Variants in ATP8A1 observed in about 807,000 individuals in gnomAD.
ATP8A1 encodes the protein phospholipid-transporting ATPase IA.
A neutral mutation model predicts 177.7 loss-of-function variants in ATP8A1; 90 were observed. The ratio of observed to expected loss-of-function variants is 0.51; its 90% CI spans 0.43 to 0.60. The LOEUF (loss-of-function observed/expected upper bound fraction) is 0.60, where lower values mean the gene tolerates loss of function less well. ATP8A1 is among the 20% of genes least tolerant of loss of function. The probability of loss-of-function intolerance (pLI) is 0.00; values close to 1 mark genes in which losing one functional copy is unlikely to be tolerated. For synonymous variants in ATP8A1, 493 were observed against 485.9 expected, an observed-to-expected ratio of 1.01 and a Z score of -0.19; for missense variants, 1,072 against 1,392.8, an observed-to-expected ratio of 0.77 and a Z score of 3.67.
At chr4:42,513,410 A>G (rs1354615212) in intron 22 of ATP8A1, among the ~76,000 whole-genome samples, 2 of 152,180 alleles carry the variant, frequency 1.3e-5, no homozygotes, top group Non-Finnish European at 2.9e-5. Flanking sequence ...TAAACACAGG[A>G]ATGAGGTATC....
rs114801500 is a variant in ATP8A1, at chr4:42,574,743, A to C, written c.1207-36T>G. On this transcript the variant is annotated intron_variant, in intron 13 of 36. Transcript: ENST00000381668. ...TTAAAATTTCTCATTAATATTTTGA[A>C]AGTCTTTATGCCACTCTTTTACAGA... 2,549 of 1,449,468 alleles carry C rather than the reference A, an allele frequency of 1.8e-3. 27 individuals carry two copies. The African/African-American group carries it at 0.03, about 17-fold the overall frequency. 89.8% of individuals were successfully genotyped at this position (1,449,468 alleles called of 1,614,324 possible).
At chr4:42,603,033 A>G (rs1440759151) in intron 5 of ATP8A1, among the ~76,000 whole-genome samples, 1 of 152,096 alleles carries the variant, frequency 6.6e-6, no homozygotes, top group Non-Finnish European at 1.5e-5. Context: ...TCATATTAGT[A>G]ATTATCCCAA....
At chr4:42,462,020 G>T (rs1249889790) in intron 27 of ATP8A1, among the ~76,000 whole-genome samples, 1 of 152,190 alleles carries the variant, frequency 6.6e-6, no homozygotes, top group African/African-American at 2.4e-5. Context: ...AGAGTATCTG[G>T]TGGAAGAAGT....
At chr4:42,538,611 A>C (rs1428304300) in intron 20 of ATP8A1, among the ~76,000 whole-genome samples, 1 of 152,146 alleles carries the variant, frequency 6.6e-6, no homozygotes, top group East Asian at 1.9e-4. Context: ...TGAACAGACA[A>C]TCCTCAAAAG....
chr4:42,542,110 A>ATG (rs1025148483), intron 20 of ATP8A1, among the ~76,000 whole-genome samples: 15 of 151,822 alleles, frequency 9.9e-5, no homozygotes, highest in Non-Finnish European at 1.8e-4. Flanking sequence ...TGGGGAGGCT[A>ATG]TGTGTGTGTG....
rs949342304 is a variant in ATP8A1, at chr4:42,657,010, C to A, written c.-137G>T. ...GCGCCGCCGCCCACCTAGGGCAGAG[C>A]TGCCGCCGGGCGCGGCCCCCGCACG... On this transcript the variant is annotated 5_prime_UTR_variant, in exon 1 of 37. Coordinates refer to ENST00000381668, the MANE Select transcript of ATP8A1 (RefSeq NM_006095.2). 9.4e-6 allele frequency: 9 copies of A among 962,418 alleles called. No homozygotes were observed. The highest frequency in any genetic ancestry group is 1.2e-5 in the Non-Finnish European group (9 of 738,140). 59.6% of individuals were successfully genotyped at this position (962,418 alleles called of 1,614,324 possible). A position where few individuals can be genotyped will look rare whatever the true frequency, so the allele number is the denominator to read the frequency against.
intron 15 of ATP8A1, among the ~76,000 whole-genome samples, chr4:42,561,077 T>C (rs537859177): frequency 2.6e-5 from 4 of 152,222 alleles, no homozygotes; most frequent in African/African-American, 7.2e-5. Flanking sequence ...CAAGCGAATA[T>C]AGCCATTTTA....
chr4:42,543,315 G>A (rs183494609), intron 20 of ATP8A1, among the ~76,000 whole-genome samples: 2 of 152,190 alleles, frequency 1.3e-5, no homozygotes, highest in East Asian at 3.9e-4. Flanking sequence ...GAACAGTTCA[G>A]AAGGAAAATG....
rs189032405 is a variant in ATP8A1 at position 42,466,778 on chromosome 4, C to T, written c.2325-1702G>A. Among the ~76,000 whole-genome samples the T allele has an allele frequency of 1.4e-3, 218 of 152,300 alleles. 2 individuals carry two copies. Among genetic ancestry groups the T allele is most frequent in the Admixed American group, 0.014 (213 of 15,304 alleles). On this transcript the variant is annotated intron_variant, in intron 25 of 36. Coordinates refer to ENST00000381668, the MANE Select transcript of ATP8A1 (RefSeq NM_006095.2). ...CTTGATTTTTCTTCAAAGCAATTTT[C>T]ATTTCATTTTCACATTTTATTTAAT...
At chr4:42,447,769 T>G (rs1172653577) in intron 30 of ATP8A1, among the ~76,000 whole-genome samples, 1 of 152,198 alleles carries the variant, frequency 6.6e-6, no homozygotes, top group East Asian at 1.9e-4. Context: ...CTATTACTAT[T>G]AACAGTTGTG....
intron 25 of ATP8A1, among the ~76,000 whole-genome samples, chr4:42,473,335 T>A (rs10000708): frequency 6.6e-6 from 1 of 151,924 alleles, no homozygotes; most frequent in Non-Finnish European, 1.5e-5. Context: ...TATATGATAG[T>A]AGTCCCTCTC....
At chr4:42,534,439 A>C (rs1277687423) in intron 20 of ATP8A1, among the ~76,000 whole-genome samples, 1 of 152,188 alleles carries the variant, frequency 6.6e-6, no homozygotes, top group Non-Finnish European at 1.5e-5. Flanking sequence ...GGGCTTTTAA[A>C]TTACCCCAAT....
At chr4:42,643,946 T>C (rs1209987589) in intron 1 of ATP8A1, among the ~76,000 whole-genome samples, 2 of 152,228 alleles carry the variant, frequency 1.3e-5, no homozygotes, top group African/African-American at 4.8e-5. Flanking sequence ...ATGTTAAAGA[T>C]AGCTTCAAGC....
chr4:42,639,286 T>A (rs534192107), intron 1 of ATP8A1, among the ~76,000 whole-genome samples: 1 of 152,178 alleles, frequency 6.6e-6, no homozygotes, highest in Non-Finnish European at 1.5e-5. Context: ...TATTAACAGA[T>A]GCACAGACAT....
intron 1 of ATP8A1, among the ~76,000 whole-genome samples, chr4:42,635,778 C>CATATATATATATATAT (rs1279984098): frequency 1.2e-3 from 40 of 33,568 alleles, no homozygotes; most frequent in African/African-American, 2.5e-3. Flanking sequence ...CACACACACA[C>CATATATATATATATAT]ACACATATAT....
intron 2 of ATP8A1, 155 bp from the exon 3 acceptor site, chr4:42,625,868 A>G: frequency 2.3e-6 from 1 of 439,448 alleles, no homozygotes; most frequent in Non-Finnish European, 4.1e-6. Context: ...AACCTAAATG[A>G]AAAAGAGTGA....
At chr4:42,560,777 T>G (rs181769911) in intron 15 of ATP8A1, among the ~76,000 whole-genome samples, 3 of 152,222 alleles carry the variant, frequency 2.0e-5, no homozygotes, top group Admixed American at 2.0e-4. Flanking sequence ...TGCACTTAGG[T>G]TGCACAGAGA....
intron 15 of ATP8A1, among the ~76,000 whole-genome samples, chr4:42,563,922 T>C (rs1196751155): frequency 6.6e-6 from 1 of 152,192 alleles, no homozygotes; most frequent in African/African-American, 2.4e-5. Flanking sequence ...GGGGAAACCC[T>C]GTCTCTACTA....
chr4:42,616,421 G>C (rs1469031616), intron 4 of ATP8A1, among the ~76,000 whole-genome samples: 1 of 152,116 alleles, frequency 6.6e-6, no homozygotes, highest in African/African-American at 2.4e-5. Flanking sequence ...TTAGTATTTT[G>C]CTTTAATAAC....
Sources: allele counts gnomAD v4.1 joint callset (sites outside exome capture counted in the v4.1 genomes callset), GRCh38; gene constraint gnomAD v4.1.1; transcripts MANE v1.5; gene names NCBI Gene and HGNC (gene_info 2026-07-23, HGNC 2026-07-21).